Variants in ASIC2 observed in about 807,000 individuals in gnomAD.
The protein encoded by ASIC2 is acid sensing ion channel subunit 2.
ASIC2 carries 25 observed loss-of-function variants against 57.3 expected under a neutral mutation model. The observed-to-expected ratio is 0.44, with a 90% CI of 0.32 to 0.61. ASIC2 has a LOEUF of 0.61. Ranked by LOEUF, ASIC2 falls within the 20% of genes least tolerant of loss-of-function variation. ASIC2 has a pLI of 0.06. For missense variants in ASIC2, 641 were observed against 738.1 expected, an observed-to-expected ratio of 0.87 and a Z score of 1.52; for synonymous variants, 319 against 307.5, an observed-to-expected ratio of 1.04 and a Z score of -0.39.
intron 1 of ASIC2, among the ~76,000 whole-genome samples, chr17:33,746,441 TATGTGTATA>T (rs1910268977): frequency 6.2e-5 from 3 of 48,686 alleles, no homozygotes; most frequent in Non-Finnish European, 1.7e-4. Flanking sequence ...AATATGTATA[TATGTGTATA>T]TATGTGTGTA....
intron 2 of ASIC2, among the ~76,000 whole-genome samples, chr17:33,096,193 C>T (rs775580803): frequency 2.0e-5 from 3 of 152,158 alleles, no homozygotes; most frequent in Non-Finnish European, 2.9e-5. Context: ...TAAAGCATTT[C>T]CTGAGATGCT....
intron 3 of ASIC2, among the ~76,000 whole-genome samples, chr17:33,087,071 G>A (rs1032255149): frequency 1.3e-5 from 2 of 152,112 alleles, no homozygotes; most frequent in African/African-American, 4.8e-5. Flanking sequence ...CCCTCACCAT[G>A]TCAACCCATG....
intron 5 of ASIC2, among the ~76,000 whole-genome samples, chr17:33,024,492 C>G (rs2091851322): frequency 6.6e-6 from 1 of 152,180 alleles, no homozygotes; most frequent in Admixed American, 6.5e-5. Flanking sequence ...CATTTCTTTC[C>G]CTGGAGGCAA....
chr17:33,979,229 G>A (rs1244736632), intron 1 of ASIC2, among the ~76,000 whole-genome samples: 6 of 152,040 alleles, frequency 3.9e-5, no homozygotes, highest in Non-Finnish European at 8.8e-5. Flanking sequence ...TTGTCTTGGG[G>A]GCACAAGAGT....
intron 1 of ASIC2, among the ~76,000 whole-genome samples, chr17:33,631,339 T>TG (rs1906162446): frequency 1.3e-5 from 2 of 149,458 alleles, no homozygotes; most frequent in Non-Finnish European, 3.0e-5. Context: ...TTTTTTTTTT[T>TG]GGAGGGAGAG....
intron 1 of ASIC2, among the ~76,000 whole-genome samples, chr17:33,937,153 G>A (rs1012695081): frequency 4.6e-5 from 7 of 152,224 alleles, no homozygotes; most frequent in African/African-American, 1.7e-4. Context: ...CCAGGCTGGA[G>A]TGTAGTGGTG....
chr17:33,026,818 GT>G (rs200144356), intron 4 of ASIC2, among the ~76,000 whole-genome samples: 1 of 152,004 alleles, frequency 6.6e-6, no homozygotes, highest in South Asian at 2.1e-4. Flanking sequence ...AGTCCACCAT[GT>G]TTTTTTCCTT....
chr17:33,314,497 G>A (rs1906562068), intron 1 of ASIC2, among the ~76,000 whole-genome samples: 1 of 152,166 alleles, frequency 6.6e-6, no homozygotes, highest in Admixed American at 6.6e-5. Context: ...ACATCACTGT[G>A]CAGAAGAATT....
At chr17:34,033,421 T>A (rs1052212481) in intron 1 of ASIC2, among the ~76,000 whole-genome samples, 1 of 151,910 alleles carries the variant, frequency 6.6e-6, no homozygotes, top group Non-Finnish European at 1.5e-5. Context: ...AGGAAAGATA[T>A]AAAATTGACA....
intron 1 of ASIC2, among the ~76,000 whole-genome samples, chr17:33,568,039 T>A (rs1358613354): frequency 6.6e-6 from 1 of 152,214 alleles, no homozygotes; most frequent in Non-Finnish European, 1.5e-5. Context: ...CATTTTGTTT[T>A]TATATTTGAT....
chr17:34,004,753 A>G (rs944814827), intron 1 of ASIC2: 5 of 152,196 alleles, frequency 3.3e-5, no homozygotes, highest in Non-Finnish European at 7.3e-5. Context: ...GGATTGGACT[A>G]GATGATTTTT....
chr17:33,737,891 T>G (rs1357811885), intron 1 of ASIC2, among the ~76,000 whole-genome samples: 1 of 152,120 alleles, frequency 6.6e-6, no homozygotes, highest in Non-Finnish European at 1.5e-5. Context: ...ATATGGCAAA[T>G]GACCCCAACT....
chr17:33,700,178 G>T (rs1908653097), intron 1 of ASIC2, among the ~76,000 whole-genome samples: 1 of 152,126 alleles, frequency 6.6e-6, no homozygotes, highest in Admixed American at 6.5e-5. Context: ...TCCTCAAAGG[G>T]TTGGAACCCT....
intron 1 of ASIC2, among the ~76,000 whole-genome samples, chr17:33,172,208 A>G (rs1905548292): frequency 6.6e-6 from 1 of 152,178 alleles, no homozygotes; most frequent in Non-Finnish European, 1.5e-5. Flanking sequence ...AATGTATCCT[A>G]TACTCCCAAA....
chr17:33,015,696 C>T (rs564013484), intron 9 of ASIC2, among the ~76,000 whole-genome samples: 22 of 152,318 alleles, frequency 1.4e-4, no homozygotes, highest in African/African-American at 5.3e-4. Flanking sequence ...AAGCAGCTGT[C>T]TGCCTGGGAG....
At chr17:33,354,139 G>A (rs552918149) in intron 1 of ASIC2, among the ~76,000 whole-genome samples, 9 of 152,262 alleles carry the variant, frequency 5.9e-5, no homozygotes, top group African/African-American at 2.2e-4. Flanking sequence ...GAAAAGACCT[G>A]CCTCCATGAT....
intron 3 of ASIC2, among the ~76,000 whole-genome samples, chr17:33,050,058 C>G (rs1234724876): frequency 3.3e-5 from 5 of 152,142 alleles, no homozygotes; most frequent in South Asian, 4.1e-4. Context: ...AAAATGCTAT[C>G]GGGTAAGCCT....
intron 1 of ASIC2, chr17:33,529,874 A>G (rs538112949): frequency 5.3e-5 from 8 of 152,284 alleles, no homozygotes; most frequent in African/African-American, 1.7e-4. Flanking sequence ...AGCATTCCCT[A>G]GGCAGACAGC....
At chr17:33,241,564 A>T (rs1908508526) in intron 1 of ASIC2, among the ~76,000 whole-genome samples, 1 of 152,238 alleles carries the variant, frequency 6.6e-6, no homozygotes, top group South Asian at 2.1e-4. Flanking sequence ...TATTAGTCAT[A>T]AAGATAACAT....
Sources: allele counts gnomAD v4.1 joint callset (sites outside exome capture counted in the v4.1 genomes callset), GRCh38; gene constraint gnomAD v4.1.1; transcripts MANE v1.5; gene names NCBI Gene and HGNC (gene_info 2026-07-23, HGNC 2026-07-21).